The following CADM2 variants were observed in gnomAD, a reference collection of about 807,000 sequenced individuals.
CADM2 encodes cell adhesion molecule 2.
A neutral mutation model predicts 49.8 loss-of-function variants in CADM2; 12 were observed. The observed-to-expected ratio is 0.24, with a 90% CI of 0.15 to 0.39. The LOEUF is 0.39. CADM2 is among the 10% of genes least tolerant of loss of function. CADM2 has a pLI of 1.00. For missense variants in CADM2, 378 were observed against 492.3 expected (o/e 0.77, Z 2.20); for synonymous variants, 214 against 175.4 (o/e 1.22, Z -1.74).
chr3:85,353,747 T>G (rs935117913), intron 1 of CADM2, among the ~76,000 whole-genome samples: 1 of 152,024 alleles, frequency 6.6e-6, no homozygotes, highest in Non-Finnish European at 1.5e-5. Context: ...CACTCAATAT[T>G]TTTTTGAAAT....
chr3:85,624,867 G>T (rs1208002973), intron 1 of CADM2, among the ~76,000 whole-genome samples: 2 of 152,070 alleles, frequency 1.3e-5, no homozygotes, highest in Non-Finnish European at 2.9e-5. Context: ...TACATGAGAA[G>T]TTTTGATACA....
intron 1 of CADM2, among the ~76,000 whole-genome samples, chr3:85,477,500 A>T (rs142225193): frequency 0.01 from 1,551 of 152,074 alleles, 14 homozygotes; most frequent in Non-Finnish European, 0.015. Context: ...AAAGTAGAAT[A>T]GATCATCTTT....
At chr3:85,719,822 G>A (rs934198642) in intron 1 of CADM2, among the ~76,000 whole-genome samples, 2 of 151,912 alleles carry the variant, frequency 1.3e-5, no homozygotes, top group Non-Finnish European at 2.9e-5. Context: ...CATGTTAACA[G>A]TTTTTTACTA....
chr3:85,782,282 T>C (rs2070698313), intron 2 of CADM2, among the ~76,000 whole-genome samples: 1 of 152,220 alleles, frequency 6.6e-6, no homozygotes, highest in Non-Finnish European at 1.5e-5. Flanking sequence ...ATGATCTCTG[T>C]TCATTTTTTC....
chr3:85,993,062 G>A (rs1243677786), intron 8 of CADM2: 1 of 152,106 alleles, frequency 6.6e-6, no homozygotes, highest in Admixed American at 6.6e-5. Flanking sequence ...CACAGGGCTA[G>A]GCACAGTGAC....
At chr3:85,386,021 A>G (rs2034207700) in intron 1 of CADM2, among the ~76,000 whole-genome samples, 1 of 152,212 alleles carries the variant, frequency 6.6e-6, no homozygotes, top group African/African-American at 2.4e-5. Context: ...ACAAAGTACC[A>G]TATGAACAAT....
intron 1 of CADM2, among the ~76,000 whole-genome samples, chr3:85,678,948 C>T (rs952505149): frequency 1.3e-5 from 2 of 151,974 alleles, no homozygotes; most frequent in African/African-American, 4.8e-5. Flanking sequence ...AGGGCAGCCC[C>T]CCACAGTAAA....
intron 1 of CADM2, among the ~76,000 whole-genome samples, chr3:85,522,945 G>C (rs1292020613): frequency 4.0e-5 from 6 of 149,534 alleles, no homozygotes; most frequent in African/African-American, 1.5e-4. Context: ...TTATAGCCCA[G>C]CTGCTACCAA....
intron 1 of CADM2, among the ~76,000 whole-genome samples, chr3:85,521,869 A>T (rs746529070): frequency 6.6e-6 from 1 of 152,126 alleles, no homozygotes; most frequent in Non-Finnish European, 1.5e-5. Context: ...CAGTAGCTGA[A>T]AATGAATGCT....
intron 1 of CADM2, among the ~76,000 whole-genome samples, chr3:85,264,314 G>T (rs2043075423): frequency 6.6e-6 from 1 of 152,072 alleles, no homozygotes; most frequent in South Asian, 2.1e-4. Flanking sequence ...ATGAGGCAAT[G>T]ACTGTTGAAG....
At chr3:85,570,214 CCTA>C (rs1236899215) in intron 1 of CADM2, among the ~76,000 whole-genome samples, 1 of 152,026 alleles carries the variant, frequency 6.6e-6, no homozygotes, top group East Asian at 1.9e-4. Flanking sequence ...TGCCTGTCTA[CCTA>C]CTATCATCAA....
intron 1 of CADM2, among the ~76,000 whole-genome samples, chr3:85,347,207 G>C (rs7637516): frequency 0.37 from 41,580 of 113,674 alleles, 7,271 homozygotes; most frequent in Middle Eastern, 0.52. Context: ...GGTCAACAGA[G>C]TGACACTCTG....
At chr3:85,155,026 A>G (rs2040060508) in intron 1 of CADM2, among the ~76,000 whole-genome samples, 1 of 151,382 alleles carries the variant, frequency 6.6e-6, no homozygotes, top group Non-Finnish European at 1.5e-5. Context: ...AAGAAACTGC[A>G]TCAACTAACG....
intron 1 of CADM2, among the ~76,000 whole-genome samples, chr3:85,500,925 G>A (rs1180048525): frequency 3.9e-5 from 6 of 152,056 alleles, no homozygotes; most frequent in Non-Finnish European, 8.8e-5. Context: ...TTGCAATTAA[G>A]CTCTTAGACC....
At chr3:85,153,357 C>G (rs529394272) in intron 1 of CADM2, among the ~76,000 whole-genome samples, 3 of 152,140 alleles carry the variant, frequency 2.0e-5, no homozygotes, top group Non-Finnish European at 2.9e-5. Flanking sequence ...CACTGCCACC[C>G]GAATACTGCA....
At chr3:85,533,456 CTG>C (rs1393615391) in intron 1 of CADM2, among the ~76,000 whole-genome samples, 1 of 152,098 alleles carries the variant, frequency 6.6e-6, no homozygotes, top group Non-Finnish European at 1.5e-5. Flanking sequence ...AGGCAAAAGT[CTG>C]TGTGTAGCAA....
intron 6 of CADM2, among the ~76,000 whole-genome samples, chr3:85,926,987 A>C (rs1719960191): frequency 6.6e-6 from 1 of 152,200 alleles, no homozygotes; most frequent in South Asian, 2.1e-4. Flanking sequence ...AAAAGGGTCA[A>C]ATAAATTTAT....
At chr3:85,121,063 GTTC>G (rs755863744) in intron 1 of CADM2, among the ~76,000 whole-genome samples, 4 of 152,182 alleles carry the variant, frequency 2.6e-5, no homozygotes, top group African/African-American at 4.8e-5. Context: ...GGCACCTGTT[GTTC>G]TGCCTTGATT....
At chr3:86,017,152 A>ATG (rs199834839) in intron 8 of CADM2, among the ~76,000 whole-genome samples, 2,193 of 135,208 alleles carry the variant, frequency 0.016, 24 homozygotes, top group East Asian at 0.05. Context: ...GTGTATATAT[A>ATG]TGTGTGTGTG....
Sources: allele counts gnomAD v4.1 joint callset (sites outside exome capture counted in the v4.1 genomes callset), GRCh38; gene constraint gnomAD v4.1.1; transcripts MANE v1.5; gene names NCBI Gene and HGNC (gene_info 2026-07-23, HGNC 2026-07-21).